DTD1: variants seen among roughly 807,000 people sequenced by gnomAD.
DTD1 encodes D-aminoacyl-tRNA deacylase 1.
DTD1 carries 13 observed loss-of-function variants against 25.6 expected under a neutral mutation model. The observed-to-expected ratio is 0.51, with a 90% confidence interval of 0.33 to 0.81. The LOEUF is 0.81. Ranked by LOEUF, DTD1 falls within the 30% of genes least tolerant of loss-of-function variation. The pLI is 0.02. For missense variants in DTD1, 193 were observed against 266.4 expected (o/e 0.72, Z 1.92); for synonymous variants, 110 against 103.6 (o/e 1.06, Z -0.37).
At chr20:18,626,459 G>A (rs1424492035) in intron 3 of DTD1, among the ~76,000 whole-genome samples, 1 of 152,172 alleles carries the variant, frequency 6.6e-6, no homozygotes, top group African/African-American at 2.4e-5. Flanking sequence ...CAGCATAAGC[G>A]TGTCTAACAT....
At chr20:18,646,697 A>G (rs948976995) in intron 4 of DTD1, among the ~76,000 whole-genome samples, 2 of 152,186 alleles carry the variant, frequency 1.3e-5, no homozygotes, top group Non-Finnish European at 2.9e-5. Flanking sequence ...TGGTGTTGAC[A>G]GTTGGCCATT....
rs1568676979 is a variant in DTD1, at chr20:18,708,292, TATATA to T, written c.478-35802_478-35798del. Among the ~76,000 whole-genome samples the T allele has an allele frequency of 5.8e-4, 35 of 60,494 alleles. 2 individuals are homozygous for T. The highest frequency in any genetic ancestry group is 9.9e-4 in the Non-Finnish European group (33 of 33,256). 39.7% of individuals were successfully genotyped at this position (60,494 alleles called of 152,430 possible). On this transcript the variant is annotated intron_variant, in intron 4 of 5. Transcript: ENST00000377452. Reference sequence around the variant, plus strand: ...ATATATATATAATATATATTATATATATATAATATATATATTTTATATATATATTA... The same window carrying T: ...ATATATATATAATATATATTATATATATATATATATTTTATATATATATTA...
chr20:18,725,167 A>C (rs959439080), intron 4 of DTD1, among the ~76,000 whole-genome samples: 2 of 152,212 alleles, frequency 1.3e-5, no homozygotes, highest in Non-Finnish European at 2.9e-5. Flanking sequence ...TATTGCATGC[A>C]AAGATTAAGG....
At chr20:18,589,720 C>A (rs1203135024) in intron 1 of DTD1, among the ~76,000 whole-genome samples, 1 of 152,174 alleles carries the variant, frequency 6.6e-6, no homozygotes, top group Non-Finnish European at 1.5e-5. Flanking sequence ...TGATCTCTCT[C>A]CTGAACTCTC....
intron 4 of DTD1, among the ~76,000 whole-genome samples, chr20:18,702,261 G>A (rs186820702): frequency 9.7e-4 from 147 of 152,258 alleles, no homozygotes; most frequent in African/African-American, 3.3e-3. Flanking sequence ...CCACAACTGT[G>A]TATGGTACTC....
chr20:18,712,552 C>G (rs62217024), intron 4 of DTD1, among the ~76,000 whole-genome samples: 52,775 of 151,832 alleles, frequency 0.35, 9,508 homozygotes, highest in Non-Finnish European at 0.4. Context: ...TCAGCATGGA[C>G]CTCGACCCGA....
intron 5 of DTD1, among the ~76,000 whole-genome samples, chr20:18,758,466 G>A (rs1437548675): frequency 6.6e-6 from 1 of 152,102 alleles, no homozygotes; most frequent in Admixed American, 6.5e-5. Context: ...ATTCTGGTAT[G>A]TTGTGTCTTT....
intron 4 of DTD1, among the ~76,000 whole-genome samples, chr20:18,727,755 G>A (rs1293642105): frequency 6.6e-6 from 1 of 152,192 alleles, no homozygotes; most frequent in African/African-American, 2.4e-5. Flanking sequence ...CACAGTATGT[G>A]ACCTTTGTGC....
chr20:18,699,938 C>T (rs1177271896), intron 4 of DTD1, among the ~76,000 whole-genome samples: 1 of 152,160 alleles, frequency 6.6e-6, no homozygotes, highest in Non-Finnish European at 1.5e-5. Flanking sequence ...TGATCAAAAC[C>T]AGCAAGTTAC....
intron 4 of DTD1, among the ~76,000 whole-genome samples, chr20:18,714,358 G>A (rs367702116): frequency 2.6e-5 from 4 of 152,102 alleles, no homozygotes; most frequent in East Asian, 3.9e-4. Flanking sequence ...TCATGCTTGG[G>A]TTCAAGCTGT....
At chr20:18,637,015 A>G (rs1481337385) in intron 4 of DTD1, among the ~76,000 whole-genome samples, 2 of 152,116 alleles carry the variant, frequency 1.3e-5, no homozygotes, top group East Asian at 3.9e-4. Flanking sequence ...TTATGTTTCT[A>G]ACCAGGTCTT....
intron 4 of DTD1, among the ~76,000 whole-genome samples, chr20:18,730,622 A>G (rs556276476): frequency 6.6e-6 from 1 of 152,330 alleles, no homozygotes; most frequent in Non-Finnish European, 1.5e-5. Flanking sequence ...TTGATTGTGA[A>G]TCTGGATTTT....
At chr20:18,723,442 C>T (rs1403164137) in intron 4 of DTD1, among the ~76,000 whole-genome samples, 4 of 152,252 alleles carry the variant, frequency 2.6e-5, no homozygotes, top group African/African-American at 9.6e-5. Context: ...GTCTTACCTA[C>T]ACTGCCTGTC....
Position 18,717,677 on chromosome 20 carries a change from A to G in DTD1, c.478-26423A>G, listed in dbSNP as rs142981289. On this transcript the variant is annotated intron_variant, in intron 4 of 5. Transcript: ENST00000377452. ...TCAAACCTGTGTTATTCAAAGGTCA[A>G]CTGTGGTTCATCTTCTGTAATGGAA... Among the ~76,000 whole-genome samples, 490 of 152,324 alleles carry G rather than the reference A, an allele frequency of 3.2e-3. 3 individuals are homozygous for G. Among genetic ancestry groups the G allele is most frequent in the African/African-American group, 0.011 (472 of 41,570 alleles).
At chr20:18,633,225 G>A (rs1394155134) in intron 4 of DTD1, among the ~76,000 whole-genome samples, 1 of 152,052 alleles carries the variant, frequency 6.6e-6, no homozygotes, top group Admixed American at 6.5e-5. Context: ...CTCTGTGGCT[G>A]TCTTTCCCTC....
At position 18,596,170 on chromosome 20, in the gene DTD1, A is replaced by T; in HGVS notation, c.299A>T (p.Glu100Val). ...KPDFHLAMPTEQAEGFYNSFL... is the reference protein window; with the variant it reads ...KPDFHLAMPTVQAEGFYNSFL... ...GATTTCCACCTAGCAATGCCCACGG[A>T]GCAGGCAGAGGGCTTCTACAACAGC... Residue 100 changes from glutamate to valine, a missense_variant, in exon 3 of 6, where the codon GAG becomes GTG. Glu to Val is a moderately radical substitution (Grantham distance 121). Transcript: ENST00000377452. 1 of 1,614,170 alleles carries T rather than the reference A, an allele frequency of 6.2e-7. No individual in the cohort carries two copies. Among genetic ancestry groups the T allele is most frequent in the Non-Finnish European group, 8.5e-7 (1 of 1,180,026 alleles).
intron 4 of DTD1, among the ~76,000 whole-genome samples, chr20:18,682,845 T>C (rs1160179915): frequency 2.6e-5 from 4 of 152,158 alleles, no homozygotes; most frequent in Non-Finnish European, 5.9e-5. Flanking sequence ...ACCATAGTGG[T>C]TTTCATAGGT....
chr20:18,655,838 C>T (rs545389161), intron 4 of DTD1, among the ~76,000 whole-genome samples: 25 of 151,998 alleles, frequency 1.6e-4, no homozygotes, highest in East Asian at 1.2e-3. Context: ...TGGCGTGATC[C>T]GGCTCACAGC....
At chr20:18,696,454 A>T (rs1036646641) in intron 4 of DTD1, among the ~76,000 whole-genome samples, 18 of 152,076 alleles carry the variant, frequency 1.2e-4, no homozygotes, top group Admixed American at 1.0e-3. Context: ...GTCATGATGG[A>T]TGCTCAGATT....
Sources: gnomAD v4.1 joint callset for allele counts (sites outside exome capture counted in the v4.1 genomes callset) on GRCh38, gnomAD v4.1.1 for gene constraint, MANE v1.5 for transcripts, NCBI Gene and HGNC (gene_info 2026-07-23, HGNC 2026-07-21) for gene names.